The following RORA variants were observed in gnomAD, a reference collection of about 807,000 sequenced individuals.
The protein encoded by RORA is RAR related orphan receptor A.
Under a neutral mutation model 69.5 loss-of-function variants are expected in RORA, and 7 were observed. The ratio of observed to expected loss-of-function variants is 0.10; its 90% confidence interval spans 0.06 to 0.19. The LOEUF is 0.19. Among genes scored for constraint, RORA ranks in the 10% least tolerant of loss-of-function variants. RORA has a pLI of 1.00. For synonymous variants in RORA, 261 were observed against 240.8 expected, an observed-to-expected ratio of 1.08 and a Z score of -0.78; for missense variants, 457 against 663.0, an observed-to-expected ratio of 0.69 and a Z score of 3.41.
intron 2 of RORA, among the ~76,000 whole-genome samples, chr15:60,539,976 A>G (rs1417020108): frequency 6.6e-6 from 1 of 152,128 alleles, no homozygotes; most frequent in East Asian, 1.9e-4. Context: ...TTTCTCTAGA[A>G]TCTCTCGGGG....
chr15:60,655,114 A>C lies in RORA; in HGVS notation c.196+23543T>G, dbSNP rs183981583. ...TATTTGTTGGATGCACTGAAAATAT[A>C]AGGGAAAGATGTCATGAGAATGGAA... On this transcript the variant is annotated intron_variant, in intron 2 of 10. Coordinates refer to ENST00000335670, the MANE Select transcript of RORA (RefSeq NM_134261.3). Among the ~76,000 whole-genome samples the C allele has an allele frequency of 4.6e-5, 7 of 152,312 alleles. No individual in the cohort carries two copies. The East Asian group carries it at 1.3e-3, about 29-fold the overall frequency.
chr15:61,021,547 G>A (rs1895523290), intron 1 of RORA, among the ~76,000 whole-genome samples: 1 of 152,152 alleles, frequency 6.6e-6, no homozygotes, highest in Non-Finnish European at 1.5e-5. Flanking sequence ...GCTGATCAAG[G>A]TTCAAACACA....
chr15:60,722,575 A>G (rs2071307428), intron 1 of RORA, among the ~76,000 whole-genome samples: 1 of 152,196 alleles, frequency 6.6e-6, no homozygotes, highest in Non-Finnish European at 1.5e-5. Context: ...TGTCTTTCAG[A>G]ACAATCAAGA....
intron 1 of RORA, among the ~76,000 whole-genome samples, chr15:61,149,740 A>G (rs1021926567): frequency 1.3e-5 from 2 of 152,244 alleles, no homozygotes; most frequent in Non-Finnish European, 2.9e-5. Context: ...TAATGATAAA[A>G]CATCCTGATA....
chr15:60,880,299 CAAT>C (rs1173432410), intron 1 of RORA, among the ~76,000 whole-genome samples: 1 of 152,216 alleles, frequency 6.6e-6, no homozygotes, highest in Non-Finnish European at 1.5e-5. Flanking sequence ...AATTTCTCAA[CAAT>C]GATTTCTATT....
At chr15:60,625,592 T>C (rs1202367503) in intron 2 of RORA, among the ~76,000 whole-genome samples, 2 of 152,234 alleles carry the variant, frequency 1.3e-5, no homozygotes, top group Non-Finnish European at 2.9e-5. Context: ...GTCTGGTGTA[T>C]CATTAAAATG....
At chr15:61,133,531 G>T (rs2079210603) in intron 1 of RORA, among the ~76,000 whole-genome samples, 1 of 152,202 alleles carries the variant, frequency 6.6e-6, no homozygotes, top group South Asian at 2.1e-4. Context: ...TGGCTGATCA[G>T]AGAATGAGGT....
At chr15:60,590,699 G>C (rs763737916) in intron 2 of RORA, among the ~76,000 whole-genome samples, 2 of 151,908 alleles carry the variant, frequency 1.3e-5, no homozygotes, top group Non-Finnish European at 2.9e-5. Context: ...AAGTTTTTTG[G>C]GGGGGTGGGG....
At chr15:60,982,540 T>C (rs773475761) in intron 1 of RORA, among the ~76,000 whole-genome samples, 1 of 152,132 alleles carries the variant, frequency 6.6e-6, no homozygotes, top group Non-Finnish European at 1.5e-5. Flanking sequence ...AAAACATGTG[T>C]CTAGTAGCAT....
At chr15:61,110,565 C>A (rs1373738466) in intron 1 of RORA, among the ~76,000 whole-genome samples, 1 of 152,030 alleles carries the variant, frequency 6.6e-6, no homozygotes, top group African/African-American at 2.4e-5. Context: ...TCAGGCAGGT[C>A]CTTCCAGAGA....
intron 2 of RORA, chr15:60,614,923 A>G (rs2069191970): frequency 6.2e-7 from 1 of 1,613,884 alleles, no homozygotes. Flanking sequence ...CAGAAAAGAG[A>G]AGAACTCCCT....
chr15:60,666,383 C>T (rs1262764519), intron 2 of RORA, among the ~76,000 whole-genome samples: 1 of 149,208 alleles, frequency 6.7e-6, no homozygotes, highest in African/African-American at 2.5e-5. Flanking sequence ...ACCTGGTCTC[C>T]CTATGTTTTC....
At chr15:61,031,746 G>T (rs1299088637) in intron 1 of RORA, among the ~76,000 whole-genome samples, 1 of 152,172 alleles carries the variant, frequency 6.6e-6, no homozygotes, top group African/African-American at 2.4e-5. Context: ...TTAGCAAAGA[G>T]AAAGACGTGG....
intron 1 of RORA, among the ~76,000 whole-genome samples, chr15:61,174,138 C>T (rs1318691736): frequency 6.6e-6 from 1 of 152,222 alleles, no homozygotes; most frequent in Non-Finnish European, 1.5e-5. Flanking sequence ...TGCCAGGGCT[C>T]AAGCCCATTC....
intron 6 of RORA, 72 bp downstream of exon 6, chr15:60,505,436 A>G (rs1411539687): frequency 6.7e-7 from 1 of 1,501,754 alleles, no homozygotes; most frequent in Non-Finnish European, 9.2e-7. Flanking sequence ...TGAACTCTTG[A>G]CCAACTTTCC....
intron 1 of RORA, among the ~76,000 whole-genome samples, chr15:61,172,470 G>A (rs1328325680): frequency 6.6e-6 from 1 of 152,108 alleles, no homozygotes; most frequent in East Asian, 1.9e-4. Context: ...AAGACAGGAG[G>A]GAAACTCAGG....
intron 2 of RORA, among the ~76,000 whole-genome samples, chr15:60,561,081 T>G (rs1173275185): frequency 3.3e-4 from 41 of 124,874 alleles, no homozygotes; most frequent in African/African-American, 1.7e-3. Context: ...GTTTTGTTTT[T>G]GTTTTTTTTT....
intron 2 of RORA, among the ~76,000 whole-genome samples, chr15:60,639,595 C>G (rs1191878327): frequency 6.6e-6 from 1 of 152,124 alleles, no homozygotes; most frequent in African/African-American, 2.4e-5. Context: ...AACATTGAAA[C>G]TGTAAAAAAA....
intron 1 of RORA, among the ~76,000 whole-genome samples, chr15:60,734,287 C>T (rs796968387): frequency 2.6e-5 from 4 of 152,280 alleles, no homozygotes; most frequent in African/African-American, 9.6e-5. Context: ...ATCAGAAACT[C>T]TGGAGATGGG....
Sources: allele counts gnomAD v4.1 joint callset (sites outside exome capture counted in the v4.1 genomes callset), GRCh38; gene constraint gnomAD v4.1.1; transcripts MANE v1.5; gene names NCBI Gene and HGNC (gene_info 2026-07-23, HGNC 2026-07-21).